DNAH12: variants seen among roughly 807,000 people sequenced by gnomAD.
DNAH12 encodes the protein dynein axonemal heavy chain 12.
In DNAH12, 285 loss-of-function variants were observed where a neutral mutation model predicts 371.5. The ratio of observed to expected loss-of-function variants is 0.77; its 90% CI spans 0.70 to 0.85. DNAH12 has a LOEUF of 0.85. Among genes scored for constraint, DNAH12 ranks in the 40% least tolerant of loss-of-function variants. The pLI is 0.00. For missense variants in DNAH12, 3,611 were observed against 3,689.4 expected (o/e 0.98, Z 0.55); for synonymous variants, 1,200 against 1,213.0 (o/e 0.99, Z 0.22).
chr3:57,402,561 T>C (rs2063903287), intron 43 of DNAH12: 1 of 688,642 alleles, frequency 1.5e-6, no homozygotes, highest in Admixed American at 3.2e-5. Context: ...AATAAATATA[T>C]AGTCAGTGGC....
Position 57,452,141 on chromosome 3 carries a change from C to T in DNAH12, c.3786+702G>A, listed in dbSNP as rs115435102. On this transcript the variant is annotated intron_variant, in intron 25 of 73. Coordinates refer to ENST00000495027, the MANE Select transcript of DNAH12 (RefSeq NM_001366028.2). Reference sequence around the variant, plus strand: ...GAGGAGGTAAGAATTGAGGTCGCTGCAGTCTGGTACCGATACAGATATGCT... The same window carrying T: ...GAGGAGGTAAGAATTGAGGTCGCTGTAGTCTGGTACCGATACAGATATGCT... Among the ~76,000 whole-genome samples the T allele has an allele frequency of 1.0e-2, 1,522 of 152,252 alleles. 16 individuals carry two copies. The highest frequency in any genetic ancestry group is 0.033 in the African/African-American group (1,376 of 41,556).
intron 45 of DNAH12, among the ~76,000 whole-genome samples, chr3:57,388,456 A>ATT (rs1179263985): frequency 8.2e-5 from 12 of 146,834 alleles, no homozygotes; most frequent in African/African-American, 2.7e-4. Context: ...TTTTAAGACC[A>ATT]TTTTTTTTTT....
intron 65 of DNAH12, among the ~76,000 whole-genome samples, chr3:57,316,655 C>A (rs1482614811): frequency 6.6e-6 from 1 of 152,122 alleles, no homozygotes; most frequent in Non-Finnish European, 1.5e-5. Context: ...ATAATCCCTG[C>A]GTGTTGAGGG....
chr3:57,446,433 T>A, intron 26 of DNAH12, 104 bp downstream of exon 26: 1 of 1,436,814 alleles, frequency 7.0e-7, no homozygotes, highest in Non-Finnish European at 9.2e-7. Context: ...CAAGTAATAT[T>A]CAAACCACAT....
At chr3:57,520,451 T>TTA (rs34171448) in intron 4 of DNAH12, among the ~76,000 whole-genome samples, 854 of 6,158 alleles carry the variant, frequency 0.14, 7 homozygotes, top group African/African-American at 0.2. Flanking sequence ...ATTATTATTA[T>TTA]TTTTTTTTTG....
upstream of DNAH12, among the ~76,000 whole-genome samples, chr3:57,548,101 G>T (rs1467531029): frequency 6.6e-6 from 1 of 152,042 alleles, no homozygotes; most frequent in Non-Finnish European, 1.5e-5. Flanking sequence ...AAGGAAATTT[G>T]TTTTTTTCTG....
chr3:57,532,061 C>T (rs911180881), intron 2 of DNAH12, among the ~76,000 whole-genome samples: 3 of 151,948 alleles, frequency 2.0e-5, no homozygotes, highest in Non-Finnish European at 4.4e-5. Context: ...TTTCAAATAG[C>T]CTGTCTTCAG....
intron 5 of DNAH12, 62 bp downstream of exon 5, chr3:57,510,728 T>C: frequency 1.4e-6 from 2 of 1,464,028 alleles, no homozygotes; most frequent in Non-Finnish European, 1.9e-6. Context: ...CTATTTTTGA[T>C]TCAGTGGGGA....
At chr3:57,555,065 G>C in the DNAH12 span, among the ~76,000 whole-genome samples, 2 of 152,108 alleles carry the variant, frequency 1.3e-5, no homozygotes, top group East Asian at 3.9e-4. Context: ...AGGAAACATG[G>C]TGAAGCCCTT....
chr3:57,528,124 G>A (rs2068712761), intron 2 of DNAH12, among the ~76,000 whole-genome samples: 1 of 151,998 alleles, frequency 6.6e-6, no homozygotes, highest in African/African-American at 2.4e-5. Flanking sequence ...CGCCTCCTGG[G>A]TTCAAGCGAT....
chr3:57,306,215 ACT>A (rs2061466950), intron 69 of DNAH12, among the ~76,000 whole-genome samples: 1 of 152,100 alleles, frequency 6.6e-6, no homozygotes, highest in East Asian at 1.9e-4. Flanking sequence ...GCTTCGGGTA[ACT>A]CTCACAGTGG....
At chr3:57,415,894 C>G (rs1238843387) in intron 37 of DNAH12, among the ~76,000 whole-genome samples, 5 of 150,956 alleles carry the variant, frequency 3.3e-5, no homozygotes, top group Non-Finnish European at 7.4e-5. Flanking sequence ...GTTCAAGCAA[C>G]CCCCCTGCCT....
intron 37 of DNAH12, among the ~76,000 whole-genome samples, chr3:57,417,657 A>G (rs1000614892): frequency 2.0e-5 from 3 of 152,114 alleles, no homozygotes; most frequent in African/African-American, 7.2e-5. Context: ...ACCAGTAGAA[A>G]TCATAGCTAT....
Position 57,468,851 on chromosome 3 carries a change from T to C in DNAH12, c.2234A>G (p.Lys745Arg). 3.9e-6 allele frequency: 6 copies of C among 1,523,486 alleles called. No individual in the cohort carries two copies. In the East Asian group the frequency reaches 7.3e-5, roughly 19 times the overall value. The allele number at this position is 1,523,486 out of a possible 1,614,324, so 94.4% of individuals were successfully genotyped here. A position where few individuals can be genotyped will look rare whatever the true frequency, so the allele number is the denominator to read the frequency against. The change falls in exon 17 of 74, where the codon AAA (lysine) becomes AGA (arginine). Residue 745 changes from lysine (K) to arginine (R), a missense_variant. Physicochemically the swap from Lys to Arg is conservative, Grantham distance 26. This residue lies in a region of DNAH12 where 1,314 missense variants were observed against 1,398.7 expected (regional missense o/e 0.94). Transcript: ENST00000495027. ...QTKLKKELQEKRKAARKRSLE... is the reference protein window; with the variant it reads ...QTKLKKELQERRKAARKRSLE... ...AGACCGTTTTCTTGCTGCCTTTCTT[T>C]TTTCTTGTAATTCTTTCTTTAGCTT...
At chr3:57,534,033 C>A (rs780655101) in intron 2 of DNAH12, among the ~76,000 whole-genome samples, 4 of 152,182 alleles carry the variant, frequency 2.6e-5, no homozygotes, top group Non-Finnish European at 4.4e-5. Flanking sequence ...AACTCAAGTT[C>A]TGATCACTGG....
chr3:57,336,929 A>G (rs2153309805), intron 60 of DNAH12, among the ~76,000 whole-genome samples: 1 of 152,338 alleles, frequency 6.6e-6, no homozygotes, highest in East Asian at 1.9e-4. Context: ...TTGCATGTAA[A>G]CAAATTAAAT....
intron 49 of DNAH12, among the ~76,000 whole-genome samples, chr3:57,383,344 C>A (rs2063434546): frequency 6.6e-6 from 1 of 152,012 alleles, no homozygotes; most frequent in African/African-American, 2.4e-5. Flanking sequence ...AACAGACTCT[C>A]AATGAAAGGG....
Position 57,502,324 on chromosome 3 carries a change from A to T in DNAH12, c.1242T>A (p.Tyr414Ter), listed in dbSNP as rs775915344. ...LEGARKHYET[Y>*]VEKYNWLLDG... is the part of the protein sequence containing the mutation. ...TAATATTATGTATGTCATACACACC[A>T]TATGTCTCATAATGCTTTCTTGCAC... is the stretch of plus-strand genomic sequence containing the variant. Residue 414 changes from tyrosine to a stop codon, truncating the protein, a stop_gained and splice_region_variant, in exon 10 of 74, where the codon TAT (tyrosine) becomes TAA (stop). Coordinates refer to ENST00000495027, the MANE Select transcript of DNAH12 (RefSeq NM_001366028.2). LOFTEE classifies it high-confidence loss of function. 3.1e-6 allele frequency: 5 copies of T among 1,613,846 alleles called. No individual in the cohort carries two copies. The East Asian group carries it at 8.9e-5, about 29-fold the overall frequency.
chr3:57,525,578 T>G (rs1398231343), intron 2 of DNAH12, among the ~76,000 whole-genome samples: 1 of 152,092 alleles, frequency 6.6e-6, no homozygotes, highest in African/African-American at 2.4e-5. Flanking sequence ...ATGAGATATT[T>G]TGATACAGGC....
Sources: gnomAD v4.1 joint callset for allele counts (sites outside exome capture counted in the v4.1 genomes callset) on GRCh38, gnomAD v4.1.1 for gene constraint, gnomAD v4.1.1 regional missense constraint, MANE v1.5 for transcripts, NCBI Gene and HGNC (gene_info 2026-07-23, HGNC 2026-07-21) for gene names.